The following MALRD1 variants were observed in gnomAD, a reference collection of about 807,000 sequenced individuals.
MALRD1 encodes MAM and LDL-receptor class A domain-containing protein 1.
In MALRD1, 247 loss-of-function variants were observed where a neutral mutation model predicts 242.1. The observed-to-expected ratio is 1.02, with a 90% CI of 0.92 to 1.13. The LOEUF (loss-of-function observed/expected upper bound fraction) is 1.13, where lower values mean the gene tolerates loss of function less well. Ranked by LOEUF, MALRD1 falls within the 50% of genes most tolerant of loss-of-function variation. The pLI, the probability that MALRD1 is intolerant of heterozygous loss-of-function variation, is 0.00. For synonymous variants in MALRD1, 995 were observed against 866.6 expected (o/e 1.15, Z -2.60); for missense variants, 2,989 against 2,533.1 (o/e 1.18, Z -3.86).
chr10:19,498,618 A>G lies in MALRD1; in HGVS notation c.5292A>G (p.Ala1764=), dbSNP rs1837830373. Residue 1764 remains alanine, a synonymous_variant, in exon 31 of 40, where the codon GCA becomes GCG. Transcript: ENST00000454679. ...WAIGSRIPAK[A]LIPDSDHTPG... is the part of the protein sequence containing the mutation. The stretch of plus-strand genomic sequence containing the variant: ...TTGGCAGCAGAATTCCTGCCAAAGC[A>G]TTAATTCCAGACTCTGATCACACGC... 15 of 1,550,178 alleles carry G rather than the reference A, an allele frequency of 9.7e-6. No homozygotes were observed. The highest frequency in any genetic ancestry group is 1.1e-5 in the Non-Finnish European group (13 of 1,146,810).
At chr10:19,056,977 T>C (rs1169904776) in intron 1 of MALRD1, among the ~76,000 whole-genome samples, 5 of 152,228 alleles carry the variant, frequency 3.3e-5, no homozygotes. Context: ...ATCACATTAA[T>C]TGATTTGCAT....
intron 28 of MALRD1, among the ~76,000 whole-genome samples, chr10:19,391,649 C>A (rs114726799): frequency 1.3e-5 from 2 of 152,166 alleles, no homozygotes; most frequent in Non-Finnish European, 2.9e-5. Flanking sequence ...CGCACCCAAT[C>A]GGGAAGACTC....
At chr10:19,395,288 C>T (rs1846527197) in intron 28 of MALRD1, among the ~76,000 whole-genome samples, 1 of 152,030 alleles carries the variant, frequency 6.6e-6, no homozygotes, top group African/African-American at 2.4e-5. Context: ...TGACATGTGC[C>T]CAAGGTGGTC....
intron 36 of MALRD1, among the ~76,000 whole-genome samples, chr10:19,620,525 C>A (rs954302590): frequency 6.6e-6 from 1 of 151,912 alleles, no homozygotes; most frequent in Non-Finnish European, 1.5e-5. Flanking sequence ...TTTACAGTAA[C>A]CTGGAAATTG....
At chr10:19,567,203 T>A (rs1199662016) in intron 32 of MALRD1, among the ~76,000 whole-genome samples, 3 of 152,246 alleles carry the variant, frequency 2.0e-5, no homozygotes, top group South Asian at 2.1e-4. Context: ...AATAAAAAAA[T>A]TTGTGTTTAT....
chr10:19,256,812 C>G (rs1839535074), intron 18 of MALRD1, among the ~76,000 whole-genome samples: 1 of 152,046 alleles, frequency 6.6e-6, no homozygotes, highest in South Asian at 2.1e-4. Context: ...CTTCAACTCC[C>G]ACATATAACA....
At chr10:19,281,628 T>C (rs1482783704) in intron 20 of MALRD1, among the ~76,000 whole-genome samples, 1 of 152,218 alleles carries the variant, frequency 6.6e-6, no homozygotes, top group African/African-American at 2.4e-5. Flanking sequence ...ATGACAAATC[T>C]GCTTGTAAAC....
At chr10:19,373,851 T>C (rs1427176676) in intron 26 of MALRD1, among the ~76,000 whole-genome samples, 1 of 152,216 alleles carries the variant, frequency 6.6e-6, no homozygotes, top group African/African-American at 2.4e-5. Context: ...AACTGAAATT[T>C]TCTCTTGGTT....
chr10:19,332,353 T>A (rs1347240630), intron 24 of MALRD1, among the ~76,000 whole-genome samples: 1 of 152,004 alleles, frequency 6.6e-6, no homozygotes, highest in Non-Finnish European at 1.5e-5. Flanking sequence ...GTATATAAAA[T>A]AGACAAAGTG....
chr10:19,632,763 A>G (rs1589335011), intron 36 of MALRD1, among the ~76,000 whole-genome samples: 1 of 152,126 alleles, frequency 6.6e-6, no homozygotes, highest in African/African-American at 2.4e-5. Flanking sequence ...TCACCCAACA[A>G]TTTTTACATA....
At chr10:19,650,257 G>A (rs1840809667) in intron 36 of MALRD1, among the ~76,000 whole-genome samples, 1 of 152,096 alleles carries the variant, frequency 6.6e-6, no homozygotes, top group African/African-American at 2.4e-5. Flanking sequence ...AAAAGGAATT[G>A]TCCAATAAAA....
rs772623345 is a variant in MALRD1 at position 19,387,408 on chromosome 10, A to G, written c.4442-120A>G. ...AGAGAGATGGGGTTCAGGTACCTCA[A>G]ATTCCTAAGAACAATATGTTCCTTT... On this transcript the variant is annotated intron_variant, in intron 26 of 39. Transcript: ENST00000454679. 92 of 1,270,674 alleles carry G rather than the reference A, an allele frequency of 7.2e-5. 1 individual carries two copies. The highest frequency in any genetic ancestry group is 9.5e-5 in the Non-Finnish European group (90 of 946,322). 78.7% of individuals were successfully genotyped at this position (1,270,674 alleles called of 1,614,324 possible).
intron 36 of MALRD1, among the ~76,000 whole-genome samples, chr10:19,649,065 T>C (rs1204385600): frequency 6.6e-6 from 1 of 152,200 alleles, no homozygotes; most frequent in Non-Finnish European, 1.5e-5. Context: ...ACAAAAGATA[T>C]GATCTTGTTC....
intron 30 of MALRD1, among the ~76,000 whole-genome samples, chr10:19,494,310 A>G (rs1837620263): frequency 6.6e-6 from 1 of 152,216 alleles, no homozygotes; most frequent in Admixed American, 6.5e-5. Context: ...AAGTTAAAGG[A>G]ACATTTGCAC....
At chr10:19,593,107 G>T (rs192322719) in intron 33 of MALRD1, among the ~76,000 whole-genome samples, 2 of 152,160 alleles carry the variant, frequency 1.3e-5, no homozygotes, top group Admixed American at 1.3e-4. Flanking sequence ...TACCAGAAGA[G>T]CTACATATAA....
At chr10:19,530,465 A>AATATATAATAT in intron 31 of MALRD1, among the ~76,000 whole-genome samples, 1 of 89,540 alleles carries the variant, frequency 1.1e-5, no homozygotes, top group Admixed American at 1.5e-4. Context: ...ATATAATAAT[A>AATATATAATAT]AATAATTATA....
At chr10:19,366,947 A>T (rs1187008244) in intron 26 of MALRD1, among the ~76,000 whole-genome samples, 1 of 152,138 alleles carries the variant, frequency 6.6e-6, no homozygotes, top group African/African-American at 2.4e-5. Flanking sequence ...AGTGGGCATG[A>T]AGTCTTGCAT....
At chr10:19,141,325 A>C (rs1265891299) in intron 10 of MALRD1, among the ~76,000 whole-genome samples, 2 of 152,254 alleles carry the variant, frequency 1.3e-5, no homozygotes, top group South Asian at 2.1e-4. Context: ...GAAGTACCTA[A>C]AGTAGGCAAA....
At chr10:19,496,218 A>G (rs1837715587) in intron 30 of MALRD1, among the ~76,000 whole-genome samples, 1 of 152,152 alleles carries the variant, frequency 6.6e-6, no homozygotes, top group South Asian at 2.1e-4. Flanking sequence ...TGACCAATGG[A>G]CCTAATAGAC....
Sources: allele counts gnomAD v4.1 joint callset (sites outside exome capture counted in the v4.1 genomes callset), GRCh38; gene constraint gnomAD v4.1.1; transcripts MANE v1.5; gene names NCBI Gene and HGNC (gene_info 2026-07-23, HGNC 2026-07-21).